Variants in AGRN observed in about 807,000 individuals in gnomAD.
AGRN encodes the protein agrin.
Under a neutral mutation model 211.0 loss-of-function variants are expected in AGRN, and 106 were observed. The observed-to-expected ratio is 0.50, with a 90% CI of 0.43 to 0.59. The LOEUF is 0.59. Ranked by LOEUF, AGRN falls within the 20% of genes least tolerant of loss-of-function variation. AGRN has a pLI of 0.00. For synonymous variants in AGRN, 1,525 were observed against 1,332.5 expected, an observed-to-expected ratio of 1.14 and a Z score of -3.15; for missense variants, 3,040 against 2,982.6, an observed-to-expected ratio of 1.02 and a Z score of -0.45.
chr1:1,049,191 G>A, intron 24 of AGRN, 45 bp from the exon 25 acceptor site: 1 of 1,489,692 alleles, frequency 6.7e-7, no homozygotes, highest in African/African-American at 1.4e-5. Flanking sequence ...GGCGGGGTGG[G>A]GACGGGGCCG....
At chr1:1,049,165 C>T (rs1004864592) in intron 24 of AGRN, 71 bp from the exon 25 acceptor site, 32 of 260,976 alleles carry the variant, frequency 1.2e-4, no homozygotes, top group African/African-American at 8.4e-4. Flanking sequence ...GGGACGGGGG[C>T]GGGGCAGCTC....
intron 2 of AGRN, among the ~76,000 whole-genome samples, chr1:1,030,766 CATGT>C (rs1204764636): frequency 1.3e-4 from 6 of 46,966 alleles, no homozygotes; most frequent in East Asian, 1.1e-3. Context: ...GTGAGATCAG[CATGT>C]GTGTGTGTGT....
In AGRN at chr1:1,046,912, G is replaced by A. The variant is rs1645113298; in HGVS notation, c.3343G>A (p.Asp1115Asn). The A allele has an allele frequency of 6.3e-7, 1 of 1,581,766 alleles. No homozygotes were observed. Among genetic ancestry groups the A allele is most frequent in the African/African-American group, 1.3e-5 (1 of 74,744 alleles). Residue 1115 changes from aspartate (D) to asparagine (N), a missense_variant, in exon 19 of 36, where the codon GAT becomes AAT. Asp to Asn is a conservative substitution (Grantham distance 23). Transcript: ENST00000379370. Reference sequence around the variant, plus strand: ...CAACTCCGCGTTGGGCTGCTGCTCTGATGGGAAGACGCCCTCGCTGGACGC... The same window carrying A: ...CAACTCCGCGTTGGGCTGCTGCTCTAATGGGAAGACGCCCTCGCTGGACGC... ...CYNSALGCCSDGKTPSLDAEG... is the reference protein window; with the variant it reads ...CYNSALGCCSNGKTPSLDAEG...
chr1:1,047,388 C>T lies in AGRN; in HGVS notation c.3450C>T (p.Tyr1150=), dbSNP rs1234444484. ...LEGVEGQELF[Y]TPEMADPKSE... is the part of the protein sequence containing the mutation. ...GCGTCGAGGGCCAGGAGCTGTTCTA[C>T]ACGCCCGAGATGGCTGACCCCAAGT... Residue 1150 remains tyrosine, a synonymous_variant, in exon 20 of 36, where the codon TAC becomes TAT. Transcript: ENST00000379370. 1.2e-6 allele frequency: 2 copies of T among 1,612,512 alleles called. No homozygotes were observed. The highest frequency in any genetic ancestry group is 1.1e-5 in the South Asian group (1 of 91,052).
rs57668569 is a variant in AGRN at position 1,048,767 on chromosome 1, CAAAAAAAAAA to C, written c.4106-87_4106-78del. Reference sequence around the variant, plus strand: ...GGGCAAAAAGAGCAAAACTCCGTCTCAAAAAAAAAAAAAAAAAAAAAAGCAGGGGGCGGTT... The same window carrying C: ...GGGCAAAAAGAGCAAAACTCCGTCTCAAAAAAAAAAAAGCAGGGGGCGGTT... On this transcript the variant is annotated intron_variant, in intron 23 of 35. Coordinates refer to ENST00000379370, the MANE Select transcript of AGRN (RefSeq NM_198576.4). This position sits in a 1 kb window ranked among gnomAD's most constrained non-coding sequence, Gnocchi z 5.9. 0.029 allele frequency: 29,262 copies of C among 1,024,134 alleles called. 3 individuals carry two copies. The highest frequency in any genetic ancestry group is 0.049 in the East Asian group (1,378 of 28,212). The allele number at this position is 1,024,134 out of a possible 1,614,324, so 63.4% of individuals were successfully genotyped here.
At chr1:1,045,031 C>T (rs184914463) in intron 12 of AGRN, 130 bp from the exon 13 acceptor site, 40 of 986,072 alleles carry the variant, frequency 4.1e-5, no homozygotes, top group East Asian at 3.0e-4. Context: ...CCCAGGCTCC[C>T]GGGCTCCTCT....
Position 1,034,121 on chromosome 1 carries a change from C to T in AGRN, c.464-1156C>T, listed in dbSNP as rs1232695672. The T allele has an allele frequency of 4.1e-6, 4 of 985,232 alleles. No homozygotes were observed. In the East Asian group the frequency reaches 3.4e-4, roughly 84 times the overall value. The allele number at this position is 985,232 out of a possible 1,614,324, so 61.0% of individuals were successfully genotyped here. A position where few individuals can be genotyped will look rare whatever the true frequency, so the allele number is the denominator to read the frequency against. On this transcript the variant is annotated intron_variant, in intron 2 of 35. Coordinates refer to ENST00000379370, the MANE Select transcript of AGRN (RefSeq NM_198576.4). ...CCCTCCTGCCTGCCCGCTCCTATCG[C>T]CGCTTCCGCCTCTGCCGGGGACGGG...
At chr1:1,052,854 T>C in intron 33 of AGRN, 1 of 158,544 alleles carries the variant, frequency 6.3e-6, no homozygotes, top group South Asian at 1.9e-4. Context: ...CATGGGTCCA[T>C]GTATGTGTGT....
At chr1:1,038,217 G>T (rs1189956702) in intron 3 of AGRN, among the ~76,000 whole-genome samples, 1 of 152,192 alleles carries the variant, frequency 6.6e-6, no homozygotes, top group Non-Finnish European at 1.5e-5. Context: ...AAGAGGAGCG[G>T]ACTCTCTGAG....
intron 33 of AGRN, 37 bp from the exon 34 acceptor site, chr1:1,053,716 C>T (rs763386616): frequency 6.4e-7 from 1 of 1,560,208 alleles, no homozygotes; most frequent in Non-Finnish European, 8.7e-7. Flanking sequence ...CCTGTTGCCA[C>T]CTTCCTAGAG....
chr1:1,034,624 C>T, intron 2 of AGRN: 1 of 987,026 alleles, frequency 1.0e-6, no homozygotes, highest in Non-Finnish European at 1.2e-6. Context: ...TGCGAGGCTT[C>T]ATGGTGCCCT....
At chr1:1,052,677 ATAGT>A (rs57324184) in intron 33 of AGRN, 2,045 of 139,412 alleles carry the variant, frequency 0.015, 30 homozygotes, top group African/African-American at 0.044. Context: ...CCATGTGTGT[ATAGT>A]GTGTACACAT....
rs963530349 is a variant in AGRN at position 1,051,509 on chromosome 1, C to T, written c.5427C>T (p.Asp1809=). ...LTPEHVLRQV[D]VTSFAGHPCT... ...CGGAGCACGTGCTGCGGCAGGTGGA[C>T]GTCACGTCCTTTGCAGGTCACCCCT... Residue 1809 remains aspartate (D), a synonymous_variant, in exon 32 of 36, where the codon GAC becomes GAT. Transcript: ENST00000379370. The T allele has an allele frequency of 6.4e-6, 10 of 1,566,168 alleles. No individual in the cohort carries two copies. Among genetic ancestry groups the T allele is most frequent in the Admixed American group, 3.6e-5 (2 of 55,708 alleles).
rs1437444248 is a variant in AGRN, at chr1:1,055,975, C to T, written c.*994C>T. 1.3e-5 allele frequency: 2 copies of T among 152,292 alleles called. No homozygotes were observed. Among genetic ancestry groups the T allele is most frequent in the Non-Finnish European group, 2.9e-5 (2 of 68,076 alleles). 9.4% of individuals were successfully genotyped at this position (152,292 alleles called of 1,614,324 possible). ...GTCCCGTCCCTTCCCCACCCCCATCCCATCCCCACCCCCAGCCCCAGCCCA... is the reference window on the plus strand; with the variant it reads ...GTCCCGTCCCTTCCCCACCCCCATCTCATCCCCACCCCCAGCCCCAGCCCA... On this transcript the variant is annotated 3_prime_UTR_variant, in exon 36 of 36. Transcript: ENST00000379370.
chr1:1,055,035 G>C lies in AGRN; in HGVS notation c.*54G>C. The C allele has an allele frequency of 6.5e-7, 1 of 1,540,710 alleles. No homozygotes were observed. Among genetic ancestry groups the C allele is most frequent in the South Asian group, 1.2e-5 (1 of 83,934 alleles). ...AATTATTTTCTATTTTTGTAAACTTGTTGCTTTTTGATATGATTTTCTTGC... is the reference window on the plus strand; with the variant it reads ...AATTATTTTCTATTTTTGTAAACTTCTTGCTTTTTGATATGATTTTCTTGC... On this transcript the variant is annotated 3_prime_UTR_variant, in exon 36 of 36. Coordinates refer to ENST00000379370, the MANE Select transcript of AGRN (RefSeq NM_198576.4).
chr1:1,040,903 C>A, intron 4 of AGRN, 23 bp downstream of exon 4: 1 of 1,400,552 alleles, frequency 7.1e-7, no homozygotes, highest in Non-Finnish European at 9.2e-7. Context: ...GGGCCGGTGC[C>A]TGGGGCGGGG....
In AGRN at chr1:1,051,579, G is replaced by A. The variant is rs377622440; in HGVS notation, c.5497G>A (p.Val1833Ile). 2.9e-5 allele frequency: 46 copies of A among 1,598,522 alleles called. No homozygotes were observed. Among genetic ancestry groups the A allele is most frequent in the Middle Eastern group, 1.7e-4 (1 of 6,030 alleles). Reference protein sequence around the residue: ...GHPCLNGASCVPREAAYVCLC... With the variant: ...GHPCLNGASCIPREAAYVCLC... The stretch of plus-strand genomic sequence containing the variant: ...CCCCTGCCTCAATGGGGCCTCCTGC[G>A]TCCCGAGGGAGGCTGCCTATGTGTG... The change falls in exon 32 of 36, where the codon GTC (valine) becomes ATC (isoleucine). Residue 1833 changes from valine (V) to isoleucine (I), a missense_variant. By Grantham distance (29) the Val-to-Ile change is conservative. Coordinates refer to ENST00000379370, the MANE Select transcript of AGRN (RefSeq NM_198576.4).
In AGRN at chr1:1,047,910, A is replaced by C; in HGVS notation, c.3751+15A>C. The C allele has an allele frequency of 6.3e-7, 1 of 1,597,540 alleles. No individual in the cohort carries two copies. The highest frequency in any genetic ancestry group is 1.3e-5 in the African/African-American group (1 of 74,628). On this transcript the variant is annotated intron_variant, in intron 22 of 35. Transcript: ENST00000379370. Reference sequence around the variant, plus strand: ...TATGGACTTTGGTGAGCGCCAGGCCACGAGCCACAGCTTACCTGCCCCCTC... The same window carrying C: ...TATGGACTTTGGTGAGCGCCAGGCCCCGAGCCACAGCTTACCTGCCCCCTC...
Position 1,020,851 on chromosome 1 carries a change from G to GGC in AGRN, c.201+479_201+480insCG, listed in dbSNP as rs1029376668. On this transcript the variant is annotated intron_variant, in intron 1 of 35. Transcript: ENST00000379370. ...GTGGGGGGTGCCGCAGTGGTGCGGGGGGGGGGCGTGCAGGAGCAGAGAGGT... is the reference window on the plus strand; with the variant it reads ...GTGGGGGGTGCCGCAGTGGTGCGGGGGCGGGGGGCGTGCAGGAGCAGAGAGGT... 6.7e-5 allele frequency among the ~76,000 whole-genome samples: 10 copies of GGC among 149,808 alleles called. 1 individual carries two copies. In the South Asian group the frequency reaches 1.5e-3, roughly 22 times the overall value.
Sources: gnomAD v4.1 joint callset for allele counts (sites outside exome capture counted in the v4.1 genomes callset) on GRCh38, gnomAD v4.1.1 for gene constraint, Gnocchi (gnomAD v3.1) non-coding constraint, MANE v1.5 for transcripts, NCBI Gene and HGNC (gene_info 2026-07-23, HGNC 2026-07-21) for gene names.